CAMTA1: variants seen among roughly 807,000 people sequenced by gnomAD.
CAMTA1 encodes the protein calmodulin-binding transcription activator 1.
Under a neutral mutation model 170.9 loss-of-function variants are expected in CAMTA1, and 27 were observed. The observed-to-expected ratio is 0.16, with a 90% CI of 0.12 to 0.22. CAMTA1 has a LOEUF of 0.22. Among genes scored for constraint, CAMTA1 ranks in the 10% least tolerant of loss-of-function variants. The pLI, the probability that CAMTA1 is intolerant of heterozygous loss-of-function variation, is 1.00. For missense variants in CAMTA1, 1,619 were observed against 2,217.2 expected (o/e 0.73, Z 5.42); for synonymous variants, 833 against 891.5 (o/e 0.93, Z 1.17).
chr1:7,024,118 G>C (rs984573331), intron 3 of CAMTA1, among the ~76,000 whole-genome samples: 1 of 152,034 alleles, frequency 6.6e-6, no homozygotes, highest in African/African-American at 2.4e-5. Flanking sequence ...CTGTGGTTTA[G>C]GGAAGTAAAG....
At chr1:7,187,486 C>T (rs1435591706) in intron 4 of CAMTA1, among the ~76,000 whole-genome samples, 3 of 151,812 alleles carry the variant, frequency 2.0e-5, no homozygotes, top group Admixed American at 6.6e-5. Flanking sequence ...TATTTGTCTC[C>T]CCATTAAATT....
rs1329220539 is a variant in CAMTA1, at chr1:7,355,633, A to G, written c.438+106007A>G. ...CATTCTCCACTCAGCGGCCAGGGCC[A>G]TCTTTTAAATACATGTATCAGGTCT... On this transcript the variant is annotated intron_variant, in intron 5 of 22. Transcript: ENST00000303635. 2.6e-5 allele frequency among the ~76,000 whole-genome samples: 4 copies of G among 152,240 alleles called. No individual in the cohort carries two copies. The East Asian group carries it at 5.8e-4, about 22-fold the overall frequency.
At chr1:7,362,267 T>A (rs1476398774) in intron 5 of CAMTA1, among the ~76,000 whole-genome samples, 2 of 152,264 alleles carry the variant, frequency 1.3e-5, no homozygotes, top group Non-Finnish European at 2.9e-5. Context: ...GTAGTGCTGG[T>A]AAACTTGGTT....
intron 5 of CAMTA1, among the ~76,000 whole-genome samples, chr1:7,255,429 C>T (rs1667220165): frequency 6.6e-6 from 1 of 152,180 alleles, no homozygotes; most frequent in African/African-American, 2.4e-5. Flanking sequence ...TACCGTATTC[C>T]TCATTCAGAA....
Position 7,547,803 on chromosome 1 carries a change from T to A in CAMTA1, c.510+79902T>A, listed in dbSNP as rs1490681964. Among the ~76,000 whole-genome samples, 1 of 151,648 alleles carries A rather than the reference T, an allele frequency of 6.6e-6. No homozygotes were observed. The highest frequency in any genetic ancestry group is 1.5e-5 in the Non-Finnish European group (1 of 67,894). ...ACATAATCTCCCTGTACACAACCAG[T>A]CTCACATCTCTGCCACCCCATGTGG... On this transcript the variant is annotated intron_variant, in intron 6 of 22. Transcript: ENST00000303635. The surrounding 1 kb of genome is among the most constrained non-coding windows in gnomAD (Gnocchi z 5.7).
intron 5 of CAMTA1, among the ~76,000 whole-genome samples, chr1:7,336,149 A>G (rs1338227601): frequency 6.6e-6 from 1 of 152,102 alleles, no homozygotes; most frequent in African/African-American, 2.4e-5. Context: ...TTGGGGAGGG[A>G]TGCATGGGGA....
intron 3 of CAMTA1, among the ~76,000 whole-genome samples, chr1:6,839,367 G>GC (rs1405362953): frequency 1.3e-5 from 2 of 152,026 alleles, no homozygotes; most frequent in Admixed American, 1.3e-4. Context: ...GGGCGACAGA[G>GC]CGAGACTCTC....
intron 4 of CAMTA1, among the ~76,000 whole-genome samples, chr1:7,164,281 A>G (rs1452596197): frequency 6.6e-6 from 1 of 152,220 alleles, no homozygotes; most frequent in Non-Finnish European, 1.5e-5. Context: ...ATTACCAGCT[A>G]TTTGGAAGTT....
At chr1:7,615,276 G>A (rs149174349) in intron 6 of CAMTA1, among the ~76,000 whole-genome samples, 1 of 152,196 alleles carries the variant, frequency 6.6e-6, no homozygotes, top group Non-Finnish European at 1.5e-5. Context: ...GAACCTAGCC[G>A]CTGGCAAGAA....
chr1:7,100,086 T>C (rs573188205), intron 4 of CAMTA1, among the ~76,000 whole-genome samples: 2 of 152,236 alleles, frequency 1.3e-5, no homozygotes, highest in South Asian at 4.2e-4. Flanking sequence ...ACTTCTGCCT[T>C]CCGTGGCACC....
At chr1:7,424,544 C>G (rs748909491) in intron 5 of CAMTA1, among the ~76,000 whole-genome samples, 13 of 152,100 alleles carry the variant, frequency 8.5e-5, no homozygotes, top group Admixed American at 8.5e-4. Flanking sequence ...TGGGAGCAAA[C>G]AGGGCAGCCA....
At chr1:7,227,445 A>C (rs1279809897) in intron 4 of CAMTA1, among the ~76,000 whole-genome samples, 1 of 152,096 alleles carries the variant, frequency 6.6e-6, no homozygotes, top group African/African-American at 2.4e-5. Context: ...CTCCTGCCTC[A>C]GCCACCTGAG....
chr1:7,683,219 A>C (rs2096228228), intron 11 of CAMTA1, among the ~76,000 whole-genome samples: 1 of 151,610 alleles, frequency 6.6e-6, no homozygotes, highest in Non-Finnish European at 1.5e-5. Flanking sequence ...ATGTACACTG[A>C]GAACACATTC....
chr1:7,688,922 C>G (rs2149383232), intron 11 of CAMTA1, among the ~76,000 whole-genome samples: 1 of 152,232 alleles, frequency 6.6e-6, no homozygotes, highest in South Asian at 2.1e-4. Flanking sequence ...CAGTGAGAGG[C>G]AGGTATGTGT....
At chr1:7,169,916 T>G (rs1469790025) in intron 4 of CAMTA1, among the ~76,000 whole-genome samples, 1 of 152,236 alleles carries the variant, frequency 6.6e-6, no homozygotes, top group Non-Finnish European at 1.5e-5. Context: ...TTCTTTTCAC[T>G]CCCAATATTA....
At chr1:7,167,542 C>A (rs557232624) in intron 4 of CAMTA1, among the ~76,000 whole-genome samples, 1 of 152,148 alleles carries the variant, frequency 6.6e-6, no homozygotes, top group African/African-American at 2.4e-5. Context: ...TCACATTCTC[C>A]TCTCCCTCCT....
intron 3 of CAMTA1, among the ~76,000 whole-genome samples, chr1:7,060,045 G>A (rs1047947203): frequency 2.0e-5 from 3 of 152,196 alleles, no homozygotes; most frequent in East Asian, 1.9e-4. Flanking sequence ...GACTTCTGGC[G>A]TAACTTTTAT....
chr1:7,410,469 C>T (rs911885642), intron 5 of CAMTA1, among the ~76,000 whole-genome samples: 1 of 152,220 alleles, frequency 6.6e-6, no homozygotes, highest in Admixed American at 6.5e-5. Context: ...ATGGCTTTTG[C>T]GTTTGAACAG....
At chr1:7,025,881 C>T (rs1254708341) in intron 3 of CAMTA1, among the ~76,000 whole-genome samples, 1 of 152,170 alleles carries the variant, frequency 6.6e-6, no homozygotes, top group Admixed American at 6.5e-5. Context: ...CTTCGGGAGG[C>T]TGAGGTGAGC....
Sources: gnomAD v4.1 joint callset for allele counts (sites outside exome capture counted in the v4.1 genomes callset) on GRCh38, gnomAD v4.1.1 for gene constraint, Gnocchi (gnomAD v3.1) non-coding constraint, MANE v1.5 for transcripts, NCBI Gene and HGNC (gene_info 2026-07-23, HGNC 2026-07-21) for gene names.